The following RASSF3 variants were observed in gnomAD, a reference collection of about 807,000 sequenced individuals.
RASSF3 encodes the protein Ras association domain family member 3, also known as ras association domain-containing protein 3.
In RASSF3, 19 loss-of-function variants were observed where a neutral mutation model predicts 19.9. The observed-to-expected ratio is 0.96, with a 90% CI of 0.67 to 1.40. The LOEUF (loss-of-function observed/expected upper bound fraction) is 1.40. Ranked by LOEUF, RASSF3 falls within the 40% of genes most tolerant of loss-of-function variation. The pLI, the probability that RASSF3 is intolerant of heterozygous loss-of-function variation, is 0.00. For synonymous variants in RASSF3, 110 were observed against 104.2 expected, an observed-to-expected ratio of 1.06 and a Z score of -0.34; for missense variants, 306 against 289.8, an observed-to-expected ratio of 1.06 and a Z score of -0.41.
At chr12:64,623,511 G>C (rs1488789518) in intron 1 of RASSF3, among the ~76,000 whole-genome samples, 1 of 152,192 alleles carries the variant, frequency 6.6e-6, no homozygotes, top group Non-Finnish European at 1.5e-5. Flanking sequence ...TATGTAGATG[G>C]TATAAAGAAA....
intron 1 of RASSF3, among the ~76,000 whole-genome samples, chr12:64,636,938 A>G (rs1415901626): frequency 6.6e-6 from 1 of 151,916 alleles, no homozygotes; most frequent in Non-Finnish European, 1.5e-5. Flanking sequence ...TGCTTGCAGT[A>G]TTATTGAGTA....
At chr12:64,603,168 TTTTTTGTTG>T (rs1274939051) in intron 2 of RASSF3, among the ~76,000 whole-genome samples, 3 of 152,058 alleles carry the variant, frequency 2.0e-5, no homozygotes, top group Non-Finnish European at 4.4e-5. Context: ...TTTAACTTTT[TTTTTTGTTG>T]TTGTTGTTGT....
intron 2 of RASSF3, among the ~76,000 whole-genome samples, chr12:64,572,149 A>G (rs1869528748): frequency 6.6e-6 from 1 of 152,084 alleles, no homozygotes; most frequent in African/African-American, 2.4e-5. Flanking sequence ...ATGTCTTCTT[A>G]TTAGACTATG....
At chr12:64,597,258 G>A (rs1221209202) in intron 2 of RASSF3, among the ~76,000 whole-genome samples, 1 of 147,214 alleles carries the variant, frequency 6.8e-6, no homozygotes, top group Non-Finnish European at 1.5e-5. Context: ...TCAGCCCCTC[G>A]AGTAGCTGGG....
At chr12:64,559,744 C>G (rs768666831) in intron 2 of RASSF3, among the ~76,000 whole-genome samples, 1 of 152,220 alleles carries the variant, frequency 6.6e-6, no homozygotes, top group Non-Finnish European at 1.5e-5. Context: ...TGTGTCCCCC[C>G]CAAAATTGTC....
intron 2 of RASSF3, among the ~76,000 whole-genome samples, chr12:64,564,357 G>C (rs1280455912): frequency 1.3e-5 from 2 of 151,684 alleles, no homozygotes; most frequent in African/African-American, 4.8e-5. Flanking sequence ...TTCAGTAAAG[G>C]CCTCCTCTCC....
At chr12:64,562,128 C>T (rs528077436) in intron 2 of RASSF3, among the ~76,000 whole-genome samples, 2 of 152,026 alleles carry the variant, frequency 1.3e-5, no homozygotes, top group Non-Finnish European at 2.9e-5. Context: ...GCAACCTCTG[C>T]CTCCCTGGTT....
chr12:64,690,851 A>G (rs1190861910), intron 3 of RASSF3, among the ~76,000 whole-genome samples: 3 of 145,780 alleles, frequency 2.1e-5, no homozygotes, highest in Non-Finnish European at 4.5e-5. Context: ...TTTTTTTTTC[A>G]TTTAAAAAAA....
downstream of RASSF3, among the ~76,000 whole-genome samples, chr12:64,542,986 G>T (rs1486649961): frequency 4.6e-5 from 7 of 151,556 alleles, no homozygotes; most frequent in African/African-American, 7.3e-5. Context: ...GTTCCGGGTG[G>T]GCGTGGGCTT....
intron 2 of RASSF3, among the ~76,000 whole-genome samples, chr12:64,598,741 T>C (rs1397714935): frequency 6.6e-6 from 1 of 152,166 alleles, no homozygotes; most frequent in East Asian, 1.9e-4. Flanking sequence ...AGATTTCTTT[T>C]TTTTTTTTAA....
At chr12:64,590,004 G>GA (rs572265732) in intron 2 of RASSF3, among the ~76,000 whole-genome samples, 684 of 54,136 alleles carry the variant, frequency 0.013, 2 homozygotes, top group East Asian at 0.03. Flanking sequence ...TCGGTCTCAG[G>GA]AAAAAAAAAA....
intron 2 of RASSF3, among the ~76,000 whole-genome samples, chr12:64,591,056 C>T (rs1278211219): frequency 1.3e-5 from 2 of 152,142 alleles, no homozygotes; most frequent in Non-Finnish European, 2.9e-5. Flanking sequence ...TGAAAGGATG[C>T]TAAGAGGTTT....
At chr12:64,615,301 C>CCTTTG (rs1203325190) in intron 1 of RASSF3, among the ~76,000 whole-genome samples, 3 of 152,128 alleles carry the variant, frequency 2.0e-5, no homozygotes, top group African/African-American at 7.2e-5. Flanking sequence ...TCCTCCTGAG[C>CCTTTG]CTTTGGTAGT....
chr12:64,647,733 A>G (rs1871791970), intron 1 of RASSF3, among the ~76,000 whole-genome samples: 1 of 150,732 alleles, frequency 6.6e-6, no homozygotes, highest in South Asian at 2.1e-4. Context: ...TTTTTTTTAT[A>G]GAGACAGGGT....
intron 1 of RASSF3, chr12:64,628,592 T>A (rs895801011): frequency 6.6e-6 from 1 of 151,338 alleles, no homozygotes; most frequent in Non-Finnish European, 1.5e-5. Context: ...ACCTCCCAGG[T>A]TCAAGCAATT....
chr12:64,546,731 C>T (rs1202360969), intron 2 of RASSF3, among the ~76,000 whole-genome samples: 1 of 152,140 alleles, frequency 6.6e-6, no homozygotes, highest in Non-Finnish European at 1.5e-5. Flanking sequence ...TCTCAAGACC[C>T]AGGATTTTAG....
At chr12:64,550,820 CAA>C (rs59308298) in intron 2 of RASSF3, among the ~76,000 whole-genome samples, 2 of 75,932 alleles carry the variant, frequency 2.6e-5, no homozygotes, top group Non-Finnish European at 2.4e-5. Flanking sequence ...GACTCCATCT[CAA>C]AAAAAAAAAA....
At chr12:64,528,088 G>A (rs779135468) in intron 1 of RASSF3, among the ~76,000 whole-genome samples, 2 of 152,094 alleles carry the variant, frequency 1.3e-5, no homozygotes, top group African/African-American at 2.4e-5. Flanking sequence ...GTGAGATCTT[G>A]TCTCTAAACA....
At chr12:64,628,564 T>G (rs1043178492) in intron 1 of RASSF3, 1 of 151,318 alleles carries the variant, frequency 6.6e-6, no homozygotes, top group African/African-American at 2.4e-5. Flanking sequence ...TGGCACGATC[T>G]TGGCTCACTG....
Sources: gnomAD v4.1 joint callset for allele counts (sites outside exome capture counted in the v4.1 genomes callset) on GRCh38, gnomAD v4.1.1 for gene constraint, MANE v1.5 for transcripts, NCBI Gene and HGNC (gene_info 2026-07-23, HGNC 2026-07-21) for gene names.